Variants in DCLK1 observed in about 807,000 individuals in gnomAD.
The protein encoded by DCLK1 is serine/threonine-protein kinase DCLK1.
In DCLK1, 16 loss-of-function variants were observed where a neutral mutation model predicts 86.2. That is an observed-to-expected ratio of 0.19 (90% CI 0.13 to 0.28). The LOEUF (loss-of-function observed/expected upper bound fraction) is 0.28. DCLK1 is among the 10% of genes least tolerant of loss of function. The pLI, the probability that DCLK1 is intolerant of heterozygous loss-of-function variation, is 1.00. For synonymous variants in DCLK1, 369 were observed against 370.5 expected, an observed-to-expected ratio of 1.00 and a Z score of 0.05; for missense variants, 590 against 940.2, an observed-to-expected ratio of 0.63 and a Z score of 4.87.
At chr13:36,016,917 A>T (rs1881558025) in intron 3 of DCLK1, among the ~76,000 whole-genome samples, 1 of 152,186 alleles carries the variant, frequency 6.6e-6, no homozygotes. Context: ...CTCAAGTCAG[A>T]CTACTCTCAT....
intron 4 of DCLK1, among the ~76,000 whole-genome samples, chr13:35,890,001 T>G (rs1283483325): frequency 6.6e-6 from 1 of 152,152 alleles, no homozygotes; most frequent in Non-Finnish European, 1.5e-5. Flanking sequence ...CCGAACAGAT[T>G]TTAACAGTGT....
chr13:36,058,392 A>C (rs1225593125), intron 3 of DCLK1, among the ~76,000 whole-genome samples: 2 of 152,168 alleles, frequency 1.3e-5, no homozygotes, highest in South Asian at 4.1e-4. Context: ...TGAGAACCAG[A>C]TATTAGTGCC....
intron 3 of DCLK1, among the ~76,000 whole-genome samples, chr13:35,980,686 T>C (rs1942945099): frequency 6.6e-6 from 1 of 152,088 alleles, no homozygotes; most frequent in Admixed American, 6.6e-5. Context: ...CGTGATGAAA[T>C]CATTCCACCT....
chr13:35,845,068 C>T (rs987160578), intron 6 of DCLK1, among the ~76,000 whole-genome samples: 6 of 151,946 alleles, frequency 3.9e-5, no homozygotes, highest in East Asian at 1.9e-4. Context: ...GCCAACATGG[C>T]GAAACCCTGT....
At chr13:35,959,871 GTGTGT>G (rs1878360453) in intron 3 of DCLK1, among the ~76,000 whole-genome samples, 1 of 151,656 alleles carries the variant, frequency 6.6e-6, no homozygotes, top group Non-Finnish European at 1.5e-5. Context: ...GTGTGTGTGT[GTGTGT>G]GTGTGTGTGT....
chr13:35,785,960 T>C (rs1405358268), intron 16 of DCLK1, among the ~76,000 whole-genome samples: 1 of 152,224 alleles, frequency 6.6e-6, no homozygotes, highest in Non-Finnish European at 1.5e-5. Context: ...ATTTCTCCAA[T>C]TTAGCTTTAC....
intron 3 of DCLK1, among the ~76,000 whole-genome samples, chr13:35,958,195 C>CCACCACCATTATAACCAT (rs1566620814): frequency 6.7e-6 from 1 of 149,984 alleles, no homozygotes; most frequent in Non-Finnish European, 1.5e-5. Flanking sequence ...ACCACTACCA[C>CCACCACCATTATAACCAT]CACCACCATT....
intron 5 of DCLK1, chr13:35,855,731 G>A: frequency 7.3e-7 from 1 of 1,370,980 alleles, no homozygotes; most frequent in South Asian, 1.9e-5. Context: ...GCAGTGGGAG[G>A]TGCAGGTTCT....
At chr13:35,857,403 C>T (rs1871123956) in intron 5 of DCLK1, among the ~76,000 whole-genome samples, 1 of 152,128 alleles carries the variant, frequency 6.6e-6, no homozygotes, top group Non-Finnish European at 1.5e-5. Context: ...TTACTAGCAA[C>T]ACCTCTTCCC....
intron 4 of DCLK1, among the ~76,000 whole-genome samples, chr13:35,944,515 G>A (rs1056948501): frequency 8.5e-5 from 13 of 152,180 alleles, no homozygotes; most frequent in African/African-American, 3.1e-4. Context: ...ATACATTAGC[G>A]CTAGAACATG....
intron 14 of DCLK1, 134 bp downstream of exon 14, chr13:35,808,090 C>T: frequency 1.2e-6 from 1 of 835,178 alleles, no homozygotes; most frequent in Non-Finnish European, 1.9e-6. Context: ...CTTGGAAAAC[C>T]TAGCAATTAC....
intron 2 of DCLK1, among the ~76,000 whole-genome samples, chr13:36,119,214 GAAGA>G (rs1885894874): frequency 6.6e-6 from 1 of 152,180 alleles, no homozygotes; most frequent in South Asian, 2.1e-4. Context: ...TTGGAGTGCA[GAAGA>G]AAGATCTGAT....
rs1884823166 is a variant in DCLK1 at position 36,091,385 on chromosome 13, A to G, written c.723+20484T>C. Among the ~76,000 whole-genome samples the G allele has an allele frequency of 2.0e-5, 3 of 152,204 alleles. No homozygotes were observed. In the South Asian group the frequency reaches 6.2e-4, roughly 32 times the overall value. ...AAAATAAAAAAATTTAAAAAATAAT[A>G]AATTTTAAAAAATGCTCATCTTCTG... On this transcript the variant is annotated intron_variant, in intron 3 of 16. Transcript: ENST00000360631.
At chr13:36,013,727 A>C (rs9575114) in intron 3 of DCLK1, among the ~76,000 whole-genome samples, 1 of 152,194 alleles carries the variant, frequency 6.6e-6, no homozygotes, top group African/African-American at 2.4e-5. Flanking sequence ...AGAGGCAGGC[A>C]GGCTTCCTTG....
intron 10 of DCLK1, among the ~76,000 whole-genome samples, chr13:35,826,779 A>G (rs1868505435): frequency 6.6e-6 from 1 of 152,152 alleles, no homozygotes; most frequent in African/African-American, 2.4e-5. Flanking sequence ...CATTCAAGTC[A>G]GCAGTGTAGG....
chr13:35,947,564 T>C, intron 3 of DCLK1, 107 bp from the exon 4 acceptor site: 1 of 772,062 alleles, frequency 1.3e-6, no homozygotes. Context: ...CCTAATGGAA[T>C]CAACAGGGCA....
intron 4 of DCLK1, among the ~76,000 whole-genome samples, chr13:35,932,458 T>G (rs1876506772): frequency 6.6e-6 from 1 of 152,202 alleles, no homozygotes; most frequent in African/African-American, 2.4e-5. Flanking sequence ...ACACTGTTGA[T>G]AAAGATATAC....
At chr13:35,916,403 T>G (rs1238451866) in intron 4 of DCLK1, among the ~76,000 whole-genome samples, 1 of 151,998 alleles carries the variant, frequency 6.6e-6, no homozygotes, top group Admixed American at 6.6e-5. Flanking sequence ...GCAGCTCTCT[T>G]CCCCCTCTGC....
At chr13:35,784,931 G>A (rs1444404694) in intron 16 of DCLK1, among the ~76,000 whole-genome samples, 1 of 152,122 alleles carries the variant, frequency 6.6e-6, no homozygotes, top group Admixed American at 6.5e-5. Context: ...CCTGCACGGA[G>A]CAAGATGCGT....
Sources: gnomAD v4.1 joint callset for allele counts (sites outside exome capture counted in the v4.1 genomes callset) on GRCh38, gnomAD v4.1.1 for gene constraint, MANE v1.5 for transcripts, NCBI Gene and HGNC (gene_info 2026-07-23, HGNC 2026-07-21) for gene names.